Variants in CEP162 observed in about 807,000 individuals in gnomAD.
CEP162 encodes centrosomal protein 162.
CEP162 carries 141 observed loss-of-function variants against 169.2 expected under a neutral mutation model. That is an observed-to-expected ratio of 0.83 (90% CI 0.73 to 0.96). The LOEUF (loss-of-function observed/expected upper bound fraction) is 0.96, where lower values mean the gene tolerates loss of function less well. Ranked by LOEUF, CEP162 falls within the 40% of genes least tolerant of loss-of-function variation. The probability of loss-of-function intolerance (pLI) is 0.00; values close to 1 mark genes in which losing one functional copy is unlikely to be tolerated. For missense variants in CEP162, 1,600 were observed against 1,587.2 expected (o/e 1.01, Z -0.14); for synonymous variants, 540 against 526.4 (o/e 1.03, Z -0.35).
chr6:84,159,892 A>T (rs2129208112), intron 21 of CEP162, among the ~76,000 whole-genome samples: 1 of 152,050 alleles, frequency 6.6e-6, no homozygotes, highest in East Asian at 1.9e-4. Flanking sequence ...AAATATTTCT[A>T]GTTCTTCATA....
At chr6:84,223,500 A>AAAATAAAT (rs539333560) in intron 2 of CEP162, among the ~76,000 whole-genome samples, 290 of 150,496 alleles carry the variant, frequency 1.9e-3, no homozygotes, top group African/African-American at 4.9e-3. Flanking sequence ...CTCTATCTCA[A>AAAATAAAT]AAATAAATAA....
chr6:84,179,231 G>A (rs1274263602), intron 13 of CEP162, among the ~76,000 whole-genome samples: 2 of 152,082 alleles, frequency 1.3e-5, no homozygotes, highest in African/African-American at 4.8e-5. Flanking sequence ...TTGAGGAATC[G>A]CCACACTGTC....
intron 25 of CEP162, among the ~76,000 whole-genome samples, chr6:84,130,755 TTTA>T (rs1364133840): frequency 3.9e-5 from 6 of 152,108 alleles, no homozygotes; most frequent in Middle Eastern, 3.4e-3. Context: ...TCTTCTCTTC[TTTA>T]TTAATTTGGC....
In CEP162 at chr6:84,200,835, C is replaced by T; in HGVS notation, c.789G>A (p.Lys263=). The change falls in exon 9 of 27, where the codon AAG becomes AAA. Residue 263 remains lysine, a synonymous_variant. Transcript: ENST00000403245. ...NLDEQDKITP[K]PRCLPEMTEN... Reference sequence around the variant, plus strand: ...CAGTCATTTCTGGTAGGCACCTTGGCTTAGGTGTTATTTTATCTTGTTCAT... The same window carrying T: ...CAGTCATTTCTGGTAGGCACCTTGGTTTAGGTGTTATTTTATCTTGTTCAT... 6.2e-7 allele frequency: 1 copy of T among 1,612,196 alleles called. No homozygotes were observed. The highest frequency in any genetic ancestry group is 1.7e-5 in the Admixed American group (1 of 59,996).
intron 6 of CEP162, among the ~76,000 whole-genome samples, chr6:84,212,528 T>G (rs996545622): frequency 1.3e-5 from 2 of 150,116 alleles, no homozygotes; most frequent in African/African-American, 4.9e-5. Flanking sequence ...AAGAAAAAAA[T>G]ACAACAAAGA....
chr6:84,160,653 T>C (rs567417013), intron 21 of CEP162, among the ~76,000 whole-genome samples, 159 bp downstream of exon 21: 7 of 152,300 alleles, frequency 4.6e-5, no homozygotes, highest in African/African-American at 1.7e-4. Context: ...TATAAAGCTG[T>C]AGGTATATAA....
intron 13 of CEP162, 142 bp from the exon 14 acceptor site, chr6:84,175,489 A>C (rs2099532045): frequency 1.1e-5 from 6 of 551,696 alleles, no homozygotes; most frequent in Non-Finnish European, 6.1e-6. Context: ...ACTATAACAC[A>C]GCTGTTTCAC....
At chr6:84,210,035 G>T (rs1261850414) in intron 6 of CEP162, among the ~76,000 whole-genome samples, 6 of 152,180 alleles carry the variant, frequency 3.9e-5, no homozygotes, top group Non-Finnish European at 8.8e-5. Flanking sequence ...AAACAAATTT[G>T]AGAGGGTGAT....
intron 3 of CEP162, among the ~76,000 whole-genome samples, chr6:84,216,396 T>C (rs2099551551): frequency 6.6e-6 from 1 of 152,146 alleles, no homozygotes; most frequent in Admixed American, 6.5e-5. Flanking sequence ...CCTTCGTTAG[T>C]GTAAATATCA....
intron 13 of CEP162, among the ~76,000 whole-genome samples, chr6:84,182,682 C>A (rs1248629265): frequency 6.6e-6 from 1 of 152,080 alleles, no homozygotes; most frequent in Non-Finnish European, 1.5e-5. Flanking sequence ...GGTCCGGAGG[C>A]AGAGTAGCCA....
intron 25 of CEP162, 41 bp downstream of exon 25, chr6:84,146,646 A>C (rs2099519009): frequency 1.1e-6 from 1 of 932,184 alleles, no homozygotes. Flanking sequence ...GAAATGCCTA[A>C]GAAAAACTTA....
At chr6:84,204,330 A>C (rs1006495954) in intron 6 of CEP162, among the ~76,000 whole-genome samples, 1 of 152,204 alleles carries the variant, frequency 6.6e-6, no homozygotes, top group Non-Finnish European at 1.5e-5. Flanking sequence ...AGTTGCAAGT[A>C]AAGCACTCCT....
chr6:84,185,561 A>G (rs1249039021), intron 12 of CEP162, 113 bp from the exon 13 acceptor site: 2 of 920,338 alleles, frequency 2.2e-6, no homozygotes, highest in Non-Finnish European at 3.2e-6. Context: ...TGTAGTTTGT[A>G]AAAGGCAAAC....
chr6:84,152,493 T>C (rs1337477636), intron 23 of CEP162, 52 bp downstream of exon 23: 2 of 1,033,842 alleles, frequency 1.9e-6, no homozygotes, highest in Non-Finnish European at 2.6e-6. Context: ...ATAATTTTTC[T>C]ATTTTTATCT....
chr6:84,124,932 A>G lies in CEP162; in HGVS notation c.*138T>C, dbSNP rs2099508305. On this transcript the variant is annotated 3_prime_UTR_variant, in exon 27 of 27. Transcript: ENST00000403245. Reference sequence around the variant, plus strand: ...TTTTCTTATTGGTTAAAGGCAATTTATTTTGAAATGTTGCTTTGGTTGTTT... The same window carrying G: ...TTTTCTTATTGGTTAAAGGCAATTTGTTTTGAAATGTTGCTTTGGTTGTTT... 6 of 701,240 alleles carry G rather than the reference A, an allele frequency of 8.6e-6. No individual in the cohort carries two copies. The allele number at this position is 701,240 out of a possible 1,614,324, so 43.4% of individuals were successfully genotyped here. A position where few individuals can be genotyped will look rare whatever the true frequency, so the allele number is the denominator to read the frequency against.
At chr6:84,190,288 T>G (rs1469422097) in intron 11 of CEP162, among the ~76,000 whole-genome samples, 1 of 152,124 alleles carries the variant, frequency 6.6e-6, no homozygotes, top group Non-Finnish European at 1.5e-5. Flanking sequence ...TCAGGGATTG[T>G]AAACGCACCA....
intron 21 of CEP162, among the ~76,000 whole-genome samples, chr6:84,159,281 T>C (rs917701076): frequency 6.6e-6 from 1 of 150,842 alleles, no homozygotes; most frequent in South Asian, 2.1e-4. Flanking sequence ...AAAGTATTAA[T>C]ACAAAAGGGA....
At chr6:84,213,547 T>C (rs1031738072) in intron 5 of CEP162, among the ~76,000 whole-genome samples, 1 of 152,222 alleles carries the variant, frequency 6.6e-6, no homozygotes, top group Non-Finnish European at 1.5e-5. Flanking sequence ...TATTAGTTCA[T>C]ATACTGCTTT....
chr6:84,169,444 T>C lies in CEP162; in HGVS notation c.2280-11A>G. 1 of 1,498,736 alleles carries C rather than the reference T, an allele frequency of 6.7e-7. No individual in the cohort carries two copies. Among genetic ancestry groups the C allele is most frequent in the Non-Finnish European group, 9.0e-7 (1 of 1,112,994 alleles). 92.8% of individuals were successfully genotyped at this position (1,498,736 alleles called of 1,614,324 possible). A position where few individuals can be genotyped will look rare whatever the true frequency, so the allele number is the denominator to read the frequency against. ...TTGTGCATCTGTTCTCTAATTTATTTTGAAAATAAAAAGTTGTTTTTCTTT... is the reference window on the plus strand; with the variant it reads ...TTGTGCATCTGTTCTCTAATTTATTCTGAAAATAAAAAGTTGTTTTTCTTT... On this transcript the variant is annotated splice_polypyrimidine_tract_variant and intron_variant, in intron 17 of 26. Transcript: ENST00000403245.
Sources: gnomAD v4.1 joint callset for allele counts (sites outside exome capture counted in the v4.1 genomes callset) on GRCh38, gnomAD v4.1.1 for gene constraint, MANE v1.5 for transcripts, NCBI Gene and HGNC (gene_info 2026-07-23, HGNC 2026-07-21) for gene names.